The following CTTNBP2 variants were observed in gnomAD, a reference collection of about 807,000 sequenced individuals.
CTTNBP2 encodes cortactin binding protein 2, also known as cortactin-binding protein 2.
Under a neutral mutation model 156.9 loss-of-function variants are expected in CTTNBP2, and 108 were observed. The observed-to-expected ratio is 0.69, with a 90% CI of 0.59 to 0.81. The LOEUF (loss-of-function observed/expected upper bound fraction) is 0.81. Among genes scored for constraint, CTTNBP2 ranks in the 30% least tolerant of loss-of-function variants. The probability of loss-of-function intolerance (pLI) is 0.00; values close to 1 mark genes in which losing one functional copy is unlikely to be tolerated. For synonymous variants in CTTNBP2, 767 were observed against 751.8 expected, an observed-to-expected ratio of 1.02 and a Z score of -0.33; for missense variants, 1,924 against 2,035.4, an observed-to-expected ratio of 0.95 and a Z score of 1.05.
At chr7:117,856,228 C>A (rs956178368) in intron 2 of CTTNBP2, among the ~76,000 whole-genome samples, 3 of 152,184 alleles carry the variant, frequency 2.0e-5, no homozygotes, top group Admixed American at 1.3e-4. Context: ...AAAGACCATA[C>A]TTAGAGGAAA....
At chr7:117,726,150 C>A (rs773225735) in intron 17 of CTTNBP2, among the ~76,000 whole-genome samples, 1 of 152,162 alleles carries the variant, frequency 6.6e-6, no homozygotes, top group Non-Finnish European at 1.5e-5. Flanking sequence ...CCCAAATTTG[C>A]AGCACTCAAT....
In CTTNBP2 at chr7:117,756,614, T is replaced by C. The variant is rs998583069; in HGVS notation, c.3289A>G (p.Ser1097Gly). ...ATCATGGAGGCATAAGTCACACTACTGAGACAGCCTTCTTGAGGACCTGTA... is the reference window on the plus strand; with the variant it reads ...ATCATGGAGGCATAAGTCACACTACCGAGACAGCCTTCTTGAGGACCTGTA... Reference protein sequence around the residue: ...LLSGPQEGCLSSVTYASMIPL... With the variant: ...LLSGPQEGCLGSVTYASMIPL... The change falls in exon 12 of 23, where the codon AGT (serine) becomes GGT (glycine). Residue 1097 changes from serine to glycine, a missense_variant. Physicochemically the swap from Ser to Gly is moderately conservative, Grantham distance 56. Transcript: ENST00000160373. 1 of 1,613,168 alleles carries C rather than the reference T, an allele frequency of 6.2e-7. No homozygotes were observed. Among genetic ancestry groups the C allele is most frequent in the Non-Finnish European group, 8.5e-7 (1 of 1,179,136 alleles).
chr7:117,716,234 CT>C (rs541426211), intron 22 of CTTNBP2, among the ~76,000 whole-genome samples: 4 of 124,242 alleles, frequency 3.2e-5, no homozygotes, highest in East Asian at 2.0e-4. Context: ...TTCAGTACTA[CT>C]TTTTTTTTGT....
At position 117,745,898 on chromosome 7, in the gene CTTNBP2, T is replaced by C. The variant is rs772566099; in HGVS notation, c.3468A>G (p.Glu1156=). ...HRQMAAGFSC[E]IVRAEVDAGF... The stretch of plus-strand genomic sequence containing the variant: ...CAGCATCTACTTCAGCTCTCACTAT[T>C]TCACAGGAGAATCCTGCAGCCATTT... Residue 1156 remains glutamate, a synonymous_variant, in exon 14 of 23, where the codon GAA becomes GAG. Coordinates refer to ENST00000160373, the MANE Select transcript of CTTNBP2 (RefSeq NM_033427.3). 7 of 1,614,138 alleles carry C rather than the reference T, an allele frequency of 4.3e-6. No homozygotes were observed. In the Admixed American group the frequency reaches 8.3e-5, roughly 19 times the overall value.
At chr7:117,849,453 A>G (rs1461659312) in intron 2 of CTTNBP2, among the ~76,000 whole-genome samples, 14 of 152,278 alleles carry the variant, frequency 9.2e-5, no homozygotes, top group Middle Eastern at 3.4e-3. Flanking sequence ...TTGGAGAACA[A>G]AAGCCTCAGA....
At chr7:117,755,201 C>T (rs748120141) in intron 12 of CTTNBP2, among the ~76,000 whole-genome samples, 2 of 152,190 alleles carry the variant, frequency 1.3e-5, no homozygotes, top group Non-Finnish European at 2.9e-5. Context: ...GGAGAATCCA[C>T]CTTTTCTACA....
chr7:117,850,919 A>G (rs1428152168), intron 2 of CTTNBP2, among the ~76,000 whole-genome samples: 1 of 152,236 alleles, frequency 6.6e-6, no homozygotes, highest in East Asian at 1.9e-4. Flanking sequence ...TACACTGAGA[A>G]AATATTTACT....
chr7:117,777,852 T>C, intron 7 of CTTNBP2, 87 bp from the exon 8 acceptor site: 5 of 1,319,748 alleles, frequency 3.8e-6, no homozygotes, highest in Non-Finnish European at 5.3e-6. Flanking sequence ...CTAAATGTTC[T>C]TGGGCATGGA....
chr7:117,867,633 A>G (rs1305425467), intron 1 of CTTNBP2, among the ~76,000 whole-genome samples: 1 of 152,200 alleles, frequency 6.6e-6, no homozygotes, highest in Admixed American at 6.5e-5. Context: ...AGGTACATCC[A>G]TCTTACTAAG....
intron 4 of CTTNBP2, among the ~76,000 whole-genome samples, chr7:117,784,678 A>C (rs1216774047): frequency 6.6e-6 from 1 of 152,180 alleles, no homozygotes; most frequent in Non-Finnish European, 1.5e-5. Flanking sequence ...CATGGTAAAA[A>C]ATTATTTTTA....
At chr7:117,863,040 A>G (rs1803877771) in intron 1 of CTTNBP2, among the ~76,000 whole-genome samples, 1 of 152,234 alleles carries the variant, frequency 6.6e-6, no homozygotes. Flanking sequence ...TGAAGACACA[A>G]AAGTATACAT....
chr7:117,744,012 A>C (rs1796172672), intron 14 of CTTNBP2, among the ~76,000 whole-genome samples: 1 of 151,574 alleles, frequency 6.6e-6, no homozygotes, highest in Non-Finnish European at 1.5e-5. Context: ...TCTTAATTTC[A>C]TTTCTTTTTT....
rs75150958 is a variant in CTTNBP2, at chr7:117,779,093, T to C, written c.2524-1328A>G. Among the ~76,000 whole-genome samples, 782 of 152,236 alleles carry C rather than the reference T, an allele frequency of 5.1e-3. 8 individuals carry two copies. The highest frequency in any genetic ancestry group is 0.018 in the African/African-American group (745 of 41,538). On this transcript the variant is annotated intron_variant, in intron 7 of 22. Transcript: ENST00000160373. ...CTTGGCTAAGACAAGACAATGGTGC[T>C]CCAATCAGGTAAATAAACTCCACTT...
At chr7:117,720,901 A>G (rs781413541) in intron 20 of CTTNBP2, among the ~76,000 whole-genome samples, 166 bp downstream of exon 20, 4 of 152,214 alleles carry the variant, frequency 2.6e-5, no homozygotes, top group Middle Eastern at 3.2e-3. Context: ...CAAAGACACC[A>G]TTAGATTTCA....
At chr7:117,828,610 T>C (rs948980760) in intron 2 of CTTNBP2, among the ~76,000 whole-genome samples, 4 of 152,242 alleles carry the variant, frequency 2.6e-5, no homozygotes, top group South Asian at 2.1e-4. Context: ...CATAGGTTAA[T>C]TGGTATCAGC....
At chr7:117,753,116 C>T (rs1012231938) in intron 12 of CTTNBP2, among the ~76,000 whole-genome samples, 1 of 152,074 alleles carries the variant, frequency 6.6e-6, no homozygotes, top group East Asian at 1.9e-4. Context: ...GTAGACAATT[C>T]TCAAAAGGAC....
Position 117,865,671 on chromosome 7 carries a change from CAAAAAAAAAAAA to C in CTTNBP2, c.82-4367_82-4356del, listed in dbSNP as rs61533705. On this transcript the variant is annotated intron_variant, in intron 1 of 22. Transcript: ENST00000160373. ...TGGTGACAGAACAAGACTCCATCTC[CAAAAAAAAAAAA>C]AAAAAAAGAAAAGAAAAAATAGAAA... 6.7e-5 allele frequency among the ~76,000 whole-genome samples: 5 copies of C among 74,520 alleles called. No individual in the cohort carries two copies. In the Admixed American group the frequency reaches 8.8e-4, roughly 13 times the overall value. 48.9% of individuals were successfully genotyped at this position (74,520 alleles called of 152,430 possible).
chr7:117,835,250 C>T (rs775638094), intron 2 of CTTNBP2, among the ~76,000 whole-genome samples: 1 of 152,330 alleles, frequency 6.6e-6, no homozygotes. Context: ...TGTGTCTTGT[C>T]CACATGAAAG....
At chr7:117,808,356 G>A (rs1690624301) in intron 3 of CTTNBP2, among the ~76,000 whole-genome samples, 2 of 151,718 alleles carry the variant, frequency 1.3e-5, no homozygotes, top group African/African-American at 4.8e-5. Context: ...TGGATTACCG[G>A]AGGCAAAGTT....
Sources: allele counts gnomAD v4.1 joint callset (sites outside exome capture counted in the v4.1 genomes callset), GRCh38; gene constraint gnomAD v4.1.1; transcripts MANE v1.5; gene names NCBI Gene and HGNC (gene_info 2026-07-23, HGNC 2026-07-21).